Variants in TMEM144 observed in about 807,000 individuals in gnomAD.
The protein encoded by TMEM144 is transmembrane protein 144.
TMEM144 carries 39 observed loss-of-function variants against 43.6 expected under a neutral mutation model. The ratio of observed to expected loss-of-function variants is 0.90; its 90% CI spans 0.69 to 1.17. The LOEUF (loss-of-function observed/expected upper bound fraction) is 1.17, where lower values mean the gene tolerates loss of function less well. Among genes scored for constraint, TMEM144 ranks in the 50% most tolerant of loss-of-function variants. The pLI is 0.00. For synonymous variants in TMEM144, 154 were observed against 133.6 expected (o/e 1.15, Z -1.06); for missense variants, 417 against 411.9 (o/e 1.01, Z -0.11).
chr4:158,251,712 ATGAGTGACACCACAGTTC>A (rs1736213899), intron 12 of TMEM144, among the ~76,000 whole-genome samples: 1 of 152,188 alleles, frequency 6.6e-6, no homozygotes, highest in Non-Finnish European at 1.5e-5. Context: ...TGGTGTAAAA[ATGAGTGACACCACAGTTC>A]TGAGAAATTG....
At position 158,254,586 on chromosome 4, in the gene TMEM144, C is replaced by T. The variant is rs1393217205; in HGVS notation, c.*1059C>T. ...GCCAGCCTAGGCAACATAGCAAGGT[C>T]CCATCTCTAAAAAAGAAATTTAATT... is the stretch of plus-strand genomic sequence containing the variant. On this transcript the variant is annotated 3_prime_UTR_variant, in exon 13 of 13. Transcript: ENST00000296529. 6.6e-6 allele frequency: 1 copy of T among 151,700 alleles called. No homozygotes were observed. Among genetic ancestry groups the T allele is most frequent in the Non-Finnish European group, 1.5e-5 (1 of 67,942 alleles). The allele number at this position is 151,700 out of a possible 1,614,324, so 9.4% of individuals were successfully genotyped here.
intron 6 of TMEM144, among the ~76,000 whole-genome samples, chr4:158,223,873 A>G (rs1734624676): frequency 6.6e-6 from 1 of 152,242 alleles, no homozygotes; most frequent in African/African-American, 2.4e-5. Flanking sequence ...CAATAAGCAT[A>G]CATGTGCATG....
chr4:158,240,528 GGTGT>G, intron 10 of TMEM144, 110 bp downstream of exon 10: 1 of 1,220,966 alleles, frequency 8.2e-7, no homozygotes, highest in Non-Finnish European at 1.1e-6. Flanking sequence ...GTGTATATGT[GGTGT>G]GTGTGTGTTG....
intron 6 of TMEM144, among the ~76,000 whole-genome samples, chr4:158,231,405 A>G (rs1336282410): frequency 6.6e-6 from 1 of 152,258 alleles, no homozygotes; most frequent in East Asian, 1.9e-4. Flanking sequence ...AGTTCAAAGT[A>G]CTCAGCACGC....
At chr4:158,215,148 C>A in intron 3 of TMEM144, 43 bp from the exon 4 acceptor site, 1 of 1,611,406 alleles carries the variant, frequency 6.2e-7, no homozygotes. Context: ...CAAATTTACT[C>A]AATTCAATTT....
chr4:158,243,157 A>G (rs921531298), intron 11 of TMEM144, among the ~76,000 whole-genome samples: 3 of 152,200 alleles, frequency 2.0e-5, no homozygotes, highest in African/African-American at 4.8e-5. Flanking sequence ...TTAATATGGT[A>G]TCCTCTGTTC....
chr4:158,215,426 A>G, intron 4 of TMEM144, 113 bp downstream of exon 4: 4 of 1,288,236 alleles, frequency 3.1e-6, no homozygotes, highest in Non-Finnish European at 4.1e-6. Flanking sequence ...CCTTAGTCAT[A>G]GATACTAGAA....
rs1246334242 is a variant in TMEM144, at chr4:158,255,403, AG to A, written c.*1877del. On this transcript the variant is annotated 3_prime_UTR_variant, in exon 13 of 13. Coordinates refer to ENST00000296529, the MANE Select transcript of TMEM144 (RefSeq NM_018342.5). Reference sequence around the variant, plus strand: ...AAATGTGAAGTAAAGCAGTTTCAGAAGAAAAATGAAAAATCAGTCTTATTAC... The same window carrying A: ...AAATGTGAAGTAAAGCAGTTTCAGAAAAAAATGAAAAATCAGTCTTATTAC... The A allele has an allele frequency of 1.3e-5, 2 of 150,578 alleles. No homozygotes were observed. The highest frequency in any genetic ancestry group is 3.2e-3 in the Middle Eastern group (1 of 312). The allele number at this position is 150,578 out of a possible 1,614,324, so 9.3% of individuals were successfully genotyped here.
At position 158,244,998 on chromosome 4, in the gene TMEM144, A is replaced by G. The variant is rs566881835; in HGVS notation, c.954+649A>G. Reference sequence around the variant, plus strand: ...TTTAAAATATGATAAACAAGATGAAAGATTTTTTTTTTATCCTAAAGGTTA... The same window carrying G: ...TTTAAAATATGATAAACAAGATGAAGGATTTTTTTTTTATCCTAAAGGTTA... On this transcript the variant is annotated intron_variant, in intron 12 of 12. Transcript: ENST00000296529. 2.0e-5 allele frequency among the ~76,000 whole-genome samples: 3 copies of G among 152,246 alleles called. No homozygotes were observed. In the South Asian group the frequency reaches 6.2e-4, roughly 32 times the overall value.
At chr4:158,239,307 G>A (rs1380658367) in intron 9 of TMEM144, among the ~76,000 whole-genome samples, 3 of 152,114 alleles carry the variant, frequency 2.0e-5, no homozygotes, top group Non-Finnish European at 2.9e-5. Context: ...AAAATTTTAG[G>A]GGACAGAAAC....
chr4:158,232,950 T>A lies in TMEM144; in HGVS notation c.463T>A (p.Ser155Thr). 1.2e-6 allele frequency: 2 copies of A among 1,611,806 alleles called. No homozygotes were observed. The highest frequency in any genetic ancestry group is 8.5e-7 in the Non-Finnish European group (1 of 1,179,040). Residue 155 changes from serine (S) to threonine (T), a missense_variant, in exon 7 of 13, where the codon TCC becomes ACC. Physicochemically the swap from Ser to Thr is moderately conservative, Grantham distance 58. Transcript: ENST00000296529. ...AAGTGAAATACCAAATAACACGTGT[T>A]CCATGGATACCACTCCATTAATAAC... ...IKSEIPNNTC[S>T]MDTTPLITEH...
intron 12 of TMEM144, among the ~76,000 whole-genome samples, chr4:158,250,403 A>G (rs1247276167): frequency 1.3e-5 from 2 of 152,092 alleles, no homozygotes; most frequent in Non-Finnish European, 2.9e-5. Context: ...AAGACCTTTA[A>G]GGAAGTGTGA....
intron 6 of TMEM144, among the ~76,000 whole-genome samples, chr4:158,225,067 T>C (rs1466581383): frequency 1.3e-5 from 2 of 152,168 alleles, no homozygotes; most frequent in Non-Finnish European, 2.9e-5. Context: ...GTAATGTCCT[T>C]TGGTATTTAT....
rs147807536 is a variant in TMEM144 at position 158,241,227 on chromosome 4, C to G, written c.803-282C>G. Among the ~76,000 whole-genome samples, 150 of 151,880 alleles carry G rather than the reference C, an allele frequency of 9.9e-4. No individual in the cohort carries two copies. The East Asian group carries it at 0.014, about 14-fold the overall frequency. On this transcript the variant is annotated intron_variant, in intron 10 of 12. Transcript: ENST00000296529. Reference sequence around the variant, plus strand: ...CAGATAATGTTCGGGTTCAGTATGTCCCCTAGTCCCCTTTTCATCACCCAG... The same window carrying G: ...CAGATAATGTTCGGGTTCAGTATGTGCCCTAGTCCCCTTTTCATCACCCAG...
At chr4:158,212,840 C>A (rs1304064938) in intron 3 of TMEM144, 64 bp downstream of exon 3, 5 of 1,259,930 alleles carry the variant, frequency 4.0e-6, no homozygotes, top group Non-Finnish European at 5.7e-6. Flanking sequence ...CTTTTTTGGT[C>A]TTTTAAAAGT....
chr4:158,241,740 A>G (rs1041442854), intron 11 of TMEM144, 134 bp downstream of exon 11: 1 of 627,682 alleles, frequency 1.6e-6, no homozygotes, highest in African/African-American at 1.9e-5. Context: ...GGATTCAGAT[A>G]GATAAACTGA....
intron 12 of TMEM144, among the ~76,000 whole-genome samples, chr4:158,249,933 T>TGTGTGTGTGTG (rs70958884): frequency 6.6e-4 from 90 of 135,924 alleles, no homozygotes; most frequent in South Asian, 7.3e-4. Context: ...TGTGTGTGTG[T>TGTGTGTGTGTG]TTAAATAAGC....
rs140489466 is a variant in TMEM144, at chr4:158,223,850, G to A, written c.413+4460G>A. Among the ~76,000 whole-genome samples the A allele has an allele frequency of 6.0e-3, 918 of 152,226 alleles. 4 individuals carry two copies. Among genetic ancestry groups the A allele is most frequent in the Middle Eastern group, 0.017 (5 of 294 alleles). ...GGGTTGGTTTCATGACTTTGCTATT[G>A]TAAATAGTGCTGCAATAAGCATACA... On this transcript the variant is annotated intron_variant, in intron 6 of 12. Coordinates refer to ENST00000296529, the MANE Select transcript of TMEM144 (RefSeq NM_018342.5).
At chr4:158,218,372 T>C (rs529603058) in intron 5 of TMEM144, among the ~76,000 whole-genome samples, 6 of 152,258 alleles carry the variant, frequency 3.9e-5, no homozygotes, top group African/African-American at 1.4e-4. Context: ...TGGGGTGTTA[T>C]TCTCACTTTA....
Sources: gnomAD v4.1 joint callset for allele counts (sites outside exome capture counted in the v4.1 genomes callset) on GRCh38, gnomAD v4.1.1 for gene constraint, MANE v1.5 for transcripts, NCBI Gene and HGNC (gene_info 2026-07-23, HGNC 2026-07-21) for gene names.